STARD3NL: variants seen among roughly 807,000 people sequenced by gnomAD.
The protein encoded by STARD3NL is STARD3 N-terminal like.
In STARD3NL, 17 loss-of-function variants were observed where a neutral mutation model predicts 30.9. The observed-to-expected ratio is 0.55, with a 90% CI of 0.38 to 0.82. The LOEUF (loss-of-function observed/expected upper bound fraction) is 0.82, where lower values mean the gene tolerates loss of function less well. Among genes scored for constraint, STARD3NL ranks in the 40% least tolerant of loss-of-function variants. The pLI, the probability that STARD3NL is intolerant of heterozygous loss-of-function variation, is 0.00. For synonymous variants in STARD3NL, 112 were observed against 100.5 expected (o/e 1.11, Z -0.69); for missense variants, 234 against 277.6 (o/e 0.84, Z 1.12).
At chr7:38,218,062 A>C (rs1160419206) in intron 6 of STARD3NL, among the ~76,000 whole-genome samples, 3 of 152,186 alleles carry the variant, frequency 2.0e-5, no homozygotes, top group Non-Finnish European at 4.4e-5. Context: ...TACCAAGCTG[A>C]AATTCTTCTC....
chr7:38,216,373 A>G (rs1387645613), intron 4 of STARD3NL: 1 of 152,142 alleles, frequency 6.6e-6, no homozygotes, highest in Non-Finnish European at 1.5e-5. Context: ...GTCAGCTGGT[A>G]TTTAAAGAGT....
At chr7:38,197,994 T>C (rs1460764000) in intron 1 of STARD3NL, among the ~76,000 whole-genome samples, 2 of 152,216 alleles carry the variant, frequency 1.3e-5, no homozygotes, top group Non-Finnish European at 2.9e-5. Flanking sequence ...GGCTGCTTCC[T>C]GCTTCCAGGG....
chr7:38,213,910 A>G (rs567769278), intron 2 of STARD3NL, among the ~76,000 whole-genome samples: 4 of 152,348 alleles, frequency 2.6e-5, no homozygotes, highest in African/African-American at 9.6e-5. Flanking sequence ...ATCCTGTGTC[A>G]TGCTAATGGC....
intron 2 of STARD3NL, among the ~76,000 whole-genome samples, chr7:38,213,064 A>G (rs1425400279): frequency 3.3e-5 from 5 of 152,170 alleles, no homozygotes; most frequent in Admixed American, 2.0e-4. Context: ...GCAAAACTCT[A>G]TGGGCTGCTT....
intron 1 of STARD3NL, among the ~76,000 whole-genome samples, chr7:38,197,172 C>CTTTCTTTCTTTCTT (rs1562603597): frequency 1.4e-5 from 2 of 147,274 alleles, no homozygotes; most frequent in African/African-American, 2.5e-5. Flanking sequence ...TTCTTTCTTT[C>CTTTCTTTCTTTCTT]TTTCTTTCTT....
At chr7:38,226,332 G>A (rs1786768260) in intron 7 of STARD3NL, among the ~76,000 whole-genome samples, 1 of 151,784 alleles carries the variant, frequency 6.6e-6, no homozygotes, top group African/African-American at 2.4e-5. Context: ...GGCTGCTTCT[G>A]TTTTCTCTCA....
At chr7:38,219,933 T>C (rs1322055124) in intron 7 of STARD3NL, among the ~76,000 whole-genome samples, 2 of 152,072 alleles carry the variant, frequency 1.3e-5, no homozygotes, top group African/African-American at 2.4e-5. Context: ...GTCTCAGTGC[T>C]CTCATTATTG....
At chr7:38,181,969 A>G (rs1040328513) in intron 1 of STARD3NL, among the ~76,000 whole-genome samples, 6 of 152,182 alleles carry the variant, frequency 3.9e-5, no homozygotes, top group Non-Finnish European at 1.5e-5. Flanking sequence ...ATGCTGCTTT[A>G]TCAATAAAGC....
rs1786144035 is a variant in STARD3NL, at chr7:38,216,760, T to C, written c.382-265T>C. The stretch of plus-strand genomic sequence containing the variant: ...AATTGTACCTTCTGGTGGATCAAAC[T>C]TAGTTACCTAGCACACCAGCCTGCT... On this transcript the variant is annotated intron_variant, in intron 4 of 8. Coordinates refer to ENST00000009041, the MANE Select transcript of STARD3NL (RefSeq NM_032016.4). The C allele has an allele frequency of 1.4e-5, 7 of 483,136 alleles. No homozygotes were observed. The East Asian group carries it at 2.3e-4, about 16-fold the overall frequency. 29.9% of individuals were successfully genotyped at this position (483,136 alleles called of 1,614,324 possible). A position where few individuals can be genotyped will look rare whatever the true frequency, so the allele number is the denominator to read the frequency against.
chr7:38,191,023 C>T (rs1334060062), intron 1 of STARD3NL, among the ~76,000 whole-genome samples: 1 of 152,046 alleles, frequency 6.6e-6, no homozygotes, highest in East Asian at 1.9e-4. Flanking sequence ...ATGGTGACTG[C>T]CAGATCTCTC....
intron 4 of STARD3NL, 23 bp from the exon 5 acceptor site, chr7:38,217,002 G>T (rs1786156661): frequency 6.2e-7 from 1 of 1,613,880 alleles, no homozygotes; most frequent in Admixed American, 1.7e-5. Flanking sequence ...AGTGTGAACA[G>T]TGCTGGATTA....
intron 8 of STARD3NL, among the ~76,000 whole-genome samples, chr7:38,229,642 C>T (rs1786984443): frequency 6.6e-6 from 1 of 152,168 alleles, no homozygotes. Context: ...GGTCACGGCG[C>T]ATGGAGCCCC....
At chr7:38,228,772 T>C in intron 7 of STARD3NL, 27 bp from the exon 8 acceptor site, 2 of 1,599,278 alleles carry the variant, frequency 1.3e-6, no homozygotes, top group Non-Finnish European at 1.7e-6. Flanking sequence ...GAAATACTTT[T>C]TCTTTGTCCC....
At chr7:38,216,808 A>G in intron 4 of STARD3NL, 1 of 555,770 alleles carries the variant, frequency 1.8e-6, no homozygotes. Context: ...AATAAACCAC[A>G]CACAGTCATT....
intron 4 of STARD3NL, chr7:38,216,568 A>T (rs192343568): frequency 3.5e-4 from 57 of 160,642 alleles, no homozygotes; most frequent in Non-Finnish European, 6.3e-4. Flanking sequence ...CTGTCAGTCA[A>T]GCTACTATTG....
At chr7:38,219,691 A>T (rs1196105798) in intron 7 of STARD3NL, 31 bp downstream of exon 7, 32 of 1,570,458 alleles carry the variant, frequency 2.0e-5, no homozygotes, top group Non-Finnish European at 2.7e-5. Context: ...TTGTGCTTGT[A>T]TCTCTCATTC....
intron 1 of STARD3NL, among the ~76,000 whole-genome samples, chr7:38,189,324 G>A (rs970218301): frequency 6.6e-6 from 1 of 152,154 alleles, no homozygotes. Context: ...TTGGGCTGTC[G>A]AAATTCATAA....
rs868831474 is a variant in STARD3NL at position 38,215,266 on chromosome 7, C to G, written c.381+161C>G. 6 of 604,734 alleles carry G rather than the reference C, an allele frequency of 9.9e-6. No individual in the cohort carries two copies. The African/African-American group carries it at 1.1e-4, about 11-fold the overall frequency. 37.5% of individuals were successfully genotyped at this position (604,734 alleles called of 1,614,324 possible). On this transcript the variant is annotated intron_variant, in intron 4 of 8. Coordinates refer to ENST00000009041, the MANE Select transcript of STARD3NL (RefSeq NM_032016.4). ...TCCATACTTAAGTAGGTTTAATACT[C>G]CAGGGCTTCTTTCCAATGTTAATGA...
intron 1 of STARD3NL, among the ~76,000 whole-genome samples, chr7:38,195,358 A>G (rs1225426912): frequency 6.6e-6 from 1 of 152,200 alleles, no homozygotes; most frequent in African/African-American, 2.4e-5. Context: ...CCCTGGCCAC[A>G]CTTATCAGTT....
Sources: allele counts gnomAD v4.1 joint callset (sites outside exome capture counted in the v4.1 genomes callset), GRCh38; gene constraint gnomAD v4.1.1; transcripts MANE v1.5; gene names NCBI Gene and HGNC (gene_info 2026-07-23, HGNC 2026-07-21).